The following SNX29 variants were observed in gnomAD, a reference collection of about 807,000 sequenced individuals.
The protein encoded by SNX29 is sorting nexin 29.
SNX29 carries 78 observed loss-of-function variants against 102.1 expected under a neutral mutation model. The observed-to-expected ratio is 0.76, with a 90% CI of 0.64 to 0.92. The LOEUF is 0.92. Ranked by LOEUF, SNX29 falls within the 40% of genes least tolerant of loss-of-function variation. The pLI is 0.00. For missense variants in SNX29, 1,280 were observed against 1,061.7 expected, an observed-to-expected ratio of 1.21 and a Z score of -2.86; for synonymous variants, 580 against 414.5, an observed-to-expected ratio of 1.40 and a Z score of -4.85.
At chr16:12,044,159 C>A (rs957813179) in intron 5 of SNX29, among the ~76,000 whole-genome samples, 1 of 152,222 alleles carries the variant, frequency 6.6e-6, no homozygotes, top group Non-Finnish European at 1.5e-5. Flanking sequence ...CCTTAAGTAA[C>A]TTCCCCATCA....
At position 12,220,184 on chromosome 16, in the gene SNX29, C is replaced by G. The variant is rs116617691; in HGVS notation, c.1678+20501C>G. ...TGTGTTATTTCACAGAGCTGAGAAG[C>G]TTGGGGTGCAGGTGTGGCTGGATCC... On this transcript the variant is annotated intron_variant, in intron 14 of 20. Transcript: ENST00000566228. Among the ~76,000 whole-genome samples, 624 of 152,272 alleles carry G rather than the reference C, an allele frequency of 4.1e-3. 7 individuals carry two copies. The highest frequency in any genetic ancestry group is 0.014 in the African/African-American group (586 of 41,560).
chr16:12,204,536 T>C (rs1468170266), intron 14 of SNX29, among the ~76,000 whole-genome samples: 1 of 151,988 alleles, frequency 6.6e-6, no homozygotes, highest in Non-Finnish European at 1.5e-5. Context: ...AGCCACGAGC[T>C]CTCCTCGGCA....
intron 5 of SNX29, among the ~76,000 whole-genome samples, chr16:12,044,245 C>A (rs747089489): frequency 2.0e-5 from 3 of 152,160 alleles, no homozygotes; most frequent in Non-Finnish European, 4.4e-5. Flanking sequence ...GTGGCATGTT[C>A]CCTTGATTTT....
intron 17 of SNX29, 80 bp downstream of exon 17, chr16:12,398,581 G>T: frequency 6.6e-7 from 1 of 1,511,740 alleles, no homozygotes; most frequent in Non-Finnish European, 9.2e-7. Context: ...AAGACCACAG[G>T]GGGAAACAGA....
At chr16:12,211,422 T>G (rs1465154440) in intron 14 of SNX29, among the ~76,000 whole-genome samples, 5 of 152,156 alleles carry the variant, frequency 3.3e-5, no homozygotes, top group African/African-American at 1.2e-4. Context: ...CCTGCAGCTT[T>G]TTTCCTTCTA....
At chr16:12,518,349 C>G (rs958254585) in intron 19 of SNX29, among the ~76,000 whole-genome samples, 2 of 152,198 alleles carry the variant, frequency 1.3e-5, no homozygotes, top group Admixed American at 6.5e-5. Context: ...GCCGCTAAAC[C>G]CAGCCACACC....
At position 12,555,447 on chromosome 16, in the gene SNX29, A is replaced by C. The variant is rs76640386; in HGVS notation, c.2319-13059A>C. 8.9e-3 allele frequency among the ~76,000 whole-genome samples: 1,359 copies of C among 151,856 alleles called. 21 individuals carry two copies. Among genetic ancestry groups the C allele is most frequent in the African/African-American group, 0.031 (1,293 of 41,416 alleles). The stretch of plus-strand genomic sequence containing the variant: ...CTTTGTAGGAGACACTCATGTACGC[A>C]GGGTGTTTCCCTAGTTGACATGTCT... On this transcript the variant is annotated intron_variant, in intron 20 of 20. Coordinates refer to ENST00000566228, the MANE Select transcript of SNX29 (RefSeq NM_032167.5).
chr16:12,561,685 C>T (rs142722871), intron 20 of SNX29, among the ~76,000 whole-genome samples: 3 of 152,278 alleles, frequency 2.0e-5, no homozygotes, highest in African/African-American at 4.8e-5. Flanking sequence ...ACACACAGAC[C>T]CCCTTTTCCC....
At chr16:12,462,608 AC>A (rs2086857590) in intron 18 of SNX29, among the ~76,000 whole-genome samples, 2 of 152,028 alleles carry the variant, frequency 1.3e-5, no homozygotes, top group African/African-American at 4.8e-5. Flanking sequence ...ACACACACAC[AC>A]ACGTGACTGG....
At chr16:12,181,784 C>G (rs1382955362) in intron 13 of SNX29, among the ~76,000 whole-genome samples, 2 of 151,870 alleles carry the variant, frequency 1.3e-5, no homozygotes, top group African/African-American at 4.8e-5. Context: ...CCATGTAGGC[C>G]TTGTGGCTGT....
At chr16:12,496,876 G>A (rs908642776) in intron 19 of SNX29, among the ~76,000 whole-genome samples, 30 of 152,244 alleles carry the variant, frequency 2.0e-4, no homozygotes, top group African/African-American at 6.5e-4. Context: ...AGGGAAGAGC[G>A]TTTCAGGGAG....
intron 1 of SNX29, among the ~76,000 whole-genome samples, chr16:11,983,982 G>A (rs1345670773): frequency 1.3e-5 from 2 of 152,158 alleles, no homozygotes; most frequent in African/African-American, 2.4e-5. Flanking sequence ...GATGTACATT[G>A]TATCTGTGGT....
At chr16:12,031,966 C>G (rs2057357904) in intron 4 of SNX29, among the ~76,000 whole-genome samples, 1 of 152,152 alleles carries the variant, frequency 6.6e-6, no homozygotes, top group Non-Finnish European at 1.5e-5. Flanking sequence ...CAGAACCTTT[C>G]CATTTTTACA....
At chr16:12,331,095 C>A (rs972159812) in intron 15 of SNX29, among the ~76,000 whole-genome samples, 2 of 152,208 alleles carry the variant, frequency 1.3e-5, no homozygotes, top group Non-Finnish European at 2.9e-5. Context: ...GGATTGCACC[C>A]CATGGGCTCC....
chr16:12,426,400 G>A (rs2085081536), intron 18 of SNX29, among the ~76,000 whole-genome samples: 1 of 152,132 alleles, frequency 6.6e-6, no homozygotes, highest in South Asian at 2.1e-4. Flanking sequence ...GAAGTGACAC[G>A]TCACTCCCTC....
At chr16:12,563,061 G>C (rs1209514037) in intron 20 of SNX29, among the ~76,000 whole-genome samples, 2 of 152,090 alleles carry the variant, frequency 1.3e-5, no homozygotes, top group Non-Finnish European at 2.9e-5. Context: ...CGAAATGTAG[G>C]TACTGGAAGA....
chr16:12,157,166 A>G (rs1383077224), intron 13 of SNX29, among the ~76,000 whole-genome samples: 1 of 152,112 alleles, frequency 6.6e-6, no homozygotes, highest in Non-Finnish European at 1.5e-5. Context: ...GTCGCCTCGG[A>G]AGGATGGGGC....
At chr16:12,242,116 C>T (rs2078121695) in intron 14 of SNX29, among the ~76,000 whole-genome samples, 1 of 151,888 alleles carries the variant, frequency 6.6e-6, no homozygotes, top group Non-Finnish European at 1.5e-5. Context: ...GGAGAATTGG[C>T]TTCCCCAGCC....
At chr16:12,512,968 G>A (rs958355904) in intron 19 of SNX29, among the ~76,000 whole-genome samples, 13 of 152,040 alleles carry the variant, frequency 8.6e-5, no homozygotes, top group African/African-American at 2.4e-4. Flanking sequence ...TGAAAGAGTC[G>A]ATGGGGCCTT....
Sources: allele counts gnomAD v4.1 joint callset (sites outside exome capture counted in the v4.1 genomes callset), GRCh38; gene constraint gnomAD v4.1.1; transcripts MANE v1.5; gene names NCBI Gene and HGNC (gene_info 2026-07-23, HGNC 2026-07-21).